BTBD9: variants seen among roughly 807,000 people sequenced by gnomAD.
The protein encoded by BTBD9 is BTB domain containing 9.
BTBD9 carries 49 observed loss-of-function variants against 64.3 expected under a neutral mutation model. That is an observed-to-expected ratio of 0.76 (90% CI 0.61 to 0.97). BTBD9 has a LOEUF of 0.97. BTBD9 is among the 50% of genes least tolerant of loss of function. The pLI, the probability that BTBD9 is intolerant of heterozygous loss-of-function variation, is 0.00. For missense variants in BTBD9, 598 were observed against 762.1 expected (o/e 0.78, Z 2.53); for synonymous variants, 260 against 274.7 (o/e 0.95, Z 0.53).
chr6:38,170,390 CCT>C lies in BTBD9; in HGVS notation c.*4593_*4594del, dbSNP rs1473402877. On this transcript the variant is annotated 3_prime_UTR_variant, in exon 11 of 11. Coordinates refer to ENST00000481247, the MANE Select transcript of BTBD9 (RefSeq NM_001099272.2). ...CAGCCAAGAGCCAGGAAGGGCACAG[CCT>C]CTTTCCTCCTCCCTGATGGAAGCCA... 2 of 152,954 alleles carry C rather than the reference CCT, an allele frequency of 1.3e-5. No individual in the cohort carries two copies. The highest frequency in any genetic ancestry group is 2.4e-5 in the African/African-American group (1 of 41,456). 9.5% of individuals were successfully genotyped at this position (152,954 alleles called of 1,614,324 possible). A position where few individuals can be genotyped will look rare whatever the true frequency, so the allele number is the denominator to read the frequency against.
In BTBD9 at chr6:38,170,793, T is replaced by C. The variant is rs1290066058; in HGVS notation, c.*4192A>G. 1.3e-5 allele frequency: 2 copies of C among 152,268 alleles called. No homozygotes were observed. The highest frequency in any genetic ancestry group is 2.1e-4 in the South Asian group (1 of 4,818). The allele number at this position is 152,268 out of a possible 1,614,324, so 9.4% of individuals were successfully genotyped here. A position where few individuals can be genotyped will look rare whatever the true frequency, so the allele number is the denominator to read the frequency against. ...CTGCCGGGGCTGTTGTCAGGAAAAA[T>C]ATGCAGAATCAATGGCTGCAGCTGC... On this transcript the variant is annotated 3_prime_UTR_variant, in exon 11 of 11. Transcript: ENST00000481247.
chr6:38,419,367 T>G (rs1767805056), intron 6 of BTBD9, among the ~76,000 whole-genome samples: 1 of 152,184 alleles, frequency 6.6e-6, no homozygotes, highest in Non-Finnish European at 1.5e-5. Context: ...TTTAAACAAG[T>G]GAGTTGTATG....
intron 6 of BTBD9, among the ~76,000 whole-genome samples, chr6:38,498,572 G>C (rs932380295): frequency 6.6e-6 from 1 of 151,742 alleles, no homozygotes; most frequent in Non-Finnish European, 1.5e-5. Flanking sequence ...CTCATAGCTC[G>C]TTGGCCTGGG....
chr6:38,577,247 C>A (rs1776081197), intron 6 of BTBD9, among the ~76,000 whole-genome samples: 1 of 152,112 alleles, frequency 6.6e-6, no homozygotes, highest in South Asian at 2.1e-4. Context: ...AAGAATGCAC[C>A]CCCTAACAAT....
intron 9 of BTBD9, among the ~76,000 whole-genome samples, chr6:38,235,409 G>A (rs1763742962): frequency 6.6e-6 from 1 of 152,156 alleles, no homozygotes; most frequent in Non-Finnish European, 1.5e-5. Context: ...CCAACCTTCA[G>A]GGCTGACATG....
At chr6:38,259,400 T>C (rs1400776176) in intron 8 of BTBD9, among the ~76,000 whole-genome samples, 1 of 152,214 alleles carries the variant, frequency 6.6e-6, no homozygotes, top group African/African-American at 2.4e-5. Flanking sequence ...GTTACCTTTT[T>C]TGTTGTTGGG....
At chr6:38,518,060 A>T (rs554319472) in intron 6 of BTBD9, among the ~76,000 whole-genome samples, 1 of 152,330 alleles carries the variant, frequency 6.6e-6, no homozygotes, top group Non-Finnish European at 1.5e-5. Context: ...AAAAATATTA[A>T]ACACCTAAAA....
At chr6:38,503,027 G>A (rs755211776) in intron 6 of BTBD9, among the ~76,000 whole-genome samples, 2 of 152,158 alleles carry the variant, frequency 1.3e-5, no homozygotes, top group Non-Finnish European at 2.9e-5. Context: ...TGGAAATAGG[G>A]GAAAACTGAC....
intron 6 of BTBD9, among the ~76,000 whole-genome samples, chr6:38,444,442 T>G (rs565214359): frequency 1.3e-5 from 2 of 152,220 alleles, no homozygotes; most frequent in African/African-American, 4.8e-5. Flanking sequence ...AGAACTGGAG[T>G]CTTTCTTATA....
At chr6:38,399,854 C>T (rs1015321476) in intron 6 of BTBD9, among the ~76,000 whole-genome samples, 3 of 152,026 alleles carry the variant, frequency 2.0e-5, no homozygotes, top group South Asian at 2.1e-4. Flanking sequence ...CGGGTTCAAG[C>T]GATTCTCCAG....
intron 6 of BTBD9, among the ~76,000 whole-genome samples, chr6:38,410,912 T>C (rs1281281788): frequency 3.9e-5 from 6 of 152,158 alleles, no homozygotes; most frequent in Admixed American, 2.6e-4. Context: ...TGAATTCACA[T>C]ATTATTCATG....
At chr6:38,425,161 G>A (rs1244367142) in intron 6 of BTBD9, among the ~76,000 whole-genome samples, 2 of 146,674 alleles carry the variant, frequency 1.4e-5, no homozygotes, top group Non-Finnish European at 3.0e-5. Flanking sequence ...CATCTAGGCT[G>A]GAGTGCAGTG....
intron 6 of BTBD9, among the ~76,000 whole-genome samples, chr6:38,446,282 T>C (rs1274276151): frequency 6.6e-6 from 1 of 151,960 alleles, no homozygotes; most frequent in East Asian, 1.9e-4. Context: ...CCATGTAGCA[T>C]AGGTAATCAT....
rs115608390 is a variant in BTBD9, at chr6:38,169,726, T to C, written c.*5259A>G. 0.023 allele frequency: 3,483 copies of C among 152,098 alleles called. 114 individuals carry two copies. The highest frequency in any genetic ancestry group is 0.069 in the African/African-American group (2,855 of 41,418). 9.4% of individuals were successfully genotyped at this position (152,098 alleles called of 1,614,324 possible). A position where few individuals can be genotyped will look rare whatever the true frequency, so the allele number is the denominator to read the frequency against. ...ACCAGGGGACACTAGTGGGGACAGGTGTGTAGCTCCTGGCTGCAGGGCCTC... is the reference window on the plus strand; with the variant it reads ...ACCAGGGGACACTAGTGGGGACAGGCGTGTAGCTCCTGGCTGCAGGGCCTC... On this transcript the variant is annotated 3_prime_UTR_variant, in exon 11 of 11. Transcript: ENST00000481247.
Position 38,598,119 on chromosome 6 carries a change from G to C in BTBD9, c.-25C>G. On this transcript the variant is annotated splice_region_variant and 5_prime_UTR_variant, in exon 2 of 11. Coordinates refer to ENST00000481247, the MANE Select transcript of BTBD9 (RefSeq NM_001099272.2). ...TCTTGTGGAATAGACGATAGTCGTT[G>C]TTCTATCATATAAAGAAGGAATGAG... 6.2e-7 allele frequency: 1 copy of C among 1,605,000 alleles called. No individual in the cohort carries two copies. The highest frequency in any genetic ancestry group is 8.5e-7 in the Non-Finnish European group (1 of 1,174,156).
chr6:38,495,402 GA>G (rs1305730418), intron 6 of BTBD9, among the ~76,000 whole-genome samples: 1 of 152,320 alleles, frequency 6.6e-6, no homozygotes, highest in East Asian at 1.9e-4. Flanking sequence ...ATTTTCACCA[GA>G]AGGAGGACTG....
At chr6:38,440,639 A>G (rs1034311819) in intron 6 of BTBD9, among the ~76,000 whole-genome samples, 1 of 152,196 alleles carries the variant, frequency 6.6e-6, no homozygotes, top group Non-Finnish European at 1.5e-5. Flanking sequence ...AGCAAGCAAC[A>G]CTAATGTTAA....
At chr6:38,388,655 C>A (rs1766285798) in intron 6 of BTBD9, among the ~76,000 whole-genome samples, 1 of 152,120 alleles carries the variant, frequency 6.6e-6, no homozygotes, top group Non-Finnish European at 1.5e-5. Flanking sequence ...TGGCCATTTT[C>A]AAATGAACTG....
rs1334371666 is a variant in BTBD9 at position 38,593,880 on chromosome 6, T to G, written c.549+84A>C. The G allele has an allele frequency of 2.5e-6, 3 of 1,223,784 alleles. No homozygotes were observed. In the African/African-American group the frequency reaches 4.6e-5, roughly 19 times the overall value. The allele number at this position is 1,223,784 out of a possible 1,614,324, so 75.8% of individuals were successfully genotyped here. A position where few individuals can be genotyped will look rare whatever the true frequency, so the allele number is the denominator to read the frequency against. The stretch of plus-strand genomic sequence containing the variant: ...TGATACCAATGATTTTTTTTATTAT[T>G]CTTAGTCCATTGCTATACTTCTACA... On this transcript the variant is annotated intron_variant, in intron 3 of 10. Coordinates refer to ENST00000481247, the MANE Select transcript of BTBD9 (RefSeq NM_001099272.2).
Sources: gnomAD v4.1 joint callset for allele counts (sites outside exome capture counted in the v4.1 genomes callset) on GRCh38, gnomAD v4.1.1 for gene constraint, MANE v1.5 for transcripts, NCBI Gene and HGNC (gene_info 2026-07-23, HGNC 2026-07-21) for gene names.